PTPRA: variants seen among roughly 807,000 people sequenced by gnomAD.
PTPRA encodes the protein receptor-type tyrosine-protein phosphatase alpha.
Under a neutral mutation model 104.8 loss-of-function variants are expected in PTPRA, and 25 were observed. That is an observed-to-expected ratio of 0.24 (90% confidence interval 0.17 to 0.33). The LOEUF is 0.33. Ranked by LOEUF, PTPRA falls within the 10% of genes least tolerant of loss-of-function variation. The pLI, the probability that PTPRA is intolerant of heterozygous loss-of-function variation, is 1.00. For missense variants in PTPRA, 765 were observed against 1,015.3 expected (o/e 0.75, Z 3.35); for synonymous variants, 323 against 368.9 (o/e 0.88, Z 1.43).
intron 9 of PTPRA, among the ~76,000 whole-genome samples, chr20:2,998,575 G>A (rs891636807): frequency 1.3e-5 from 2 of 152,162 alleles, no homozygotes; most frequent in Admixed American, 6.5e-5. Context: ...TGCTTAGTAC[G>A]AGGGAAATGC....
the PTPRA span, chr20:2,866,585 C>T: frequency 2.5e-6 from 4 of 1,613,464 alleles, no homozygotes; most frequent in South Asian, 3.3e-5. Context: ...GGAGTCCATC[C>T]TGTACATCTC....
chr20:3,012,512 C>T (rs1408144524), intron 11 of PTPRA, among the ~76,000 whole-genome samples: 1 of 152,144 alleles, frequency 6.6e-6, no homozygotes, highest in Non-Finnish European at 1.5e-5. Flanking sequence ...AGAACAGAGC[C>T]CTTGGGCCCA....
chr20:2,939,271 T>C (rs2060817724), intron 2 of PTPRA, among the ~76,000 whole-genome samples: 1 of 152,234 alleles, frequency 6.6e-6, no homozygotes, highest in Non-Finnish European at 1.5e-5. Flanking sequence ...TTTCTCTAGC[T>C]CTCTCCTCAC....
Position 2,955,474 on chromosome 20 carries a change from A to G in PTPRA, c.-7+7450A>G, listed in dbSNP as rs139597289. On this transcript the variant is annotated intron_variant, in intron 3 of 23. Transcript: ENST00000399903. The stretch of plus-strand genomic sequence containing the variant: ...TTTCATTCTCTATATAATGTTGTCT[A>G]TGCAAGTGAGCTGCTCTCCAGTGCC... The G allele has an allele frequency of 3.0e-3, 591 of 196,098 alleles. 7 individuals are homozygous for G. The highest frequency in any genetic ancestry group is 0.013 in the African/African-American group (543 of 42,376). 12.1% of individuals were successfully genotyped at this position (196,098 alleles called of 1,614,324 possible). A position where few individuals can be genotyped will look rare whatever the true frequency, so the allele number is the denominator to read the frequency against.
intron 1 of PTPRA, among the ~76,000 whole-genome samples, chr20:2,884,438 T>C (rs2090252967): frequency 6.6e-6 from 1 of 152,172 alleles, no homozygotes; most frequent in African/African-American, 2.4e-5. Flanking sequence ...TTTGCCAACA[T>C]TTGTTACTCT....
At chr20:2,868,180 G>A in the PTPRA span, among the ~76,000 whole-genome samples, 71 of 152,292 alleles carry the variant, frequency 4.7e-4, 1 homozygote, top group East Asian at 3.5e-3. Context: ...CCAAGAGGGT[G>A]CCAGGTAGAA....
upstream of PTPRA, among the ~76,000 whole-genome samples, chr20:2,868,610 A>G (rs995609760): frequency 1.0e-5 from 1 of 97,242 alleles, no homozygotes; most frequent in Non-Finnish European, 2.0e-5. Flanking sequence ...TGGGCTCATC[A>G]TTCTGGGCTT....
At chr20:2,982,195 A>T (rs1222652933) in intron 6 of PTPRA, among the ~76,000 whole-genome samples, 1 of 150,498 alleles carries the variant, frequency 6.6e-6, no homozygotes, top group Non-Finnish European at 1.5e-5. Context: ...GGTACAAGCG[A>T]TTCTCCTGCC....
intron 3 of PTPRA, among the ~76,000 whole-genome samples, chr20:2,958,844 C>CAAA (rs528139524): frequency 2.8e-4 from 13 of 46,818 alleles, no homozygotes; most frequent in South Asian, 6.8e-4. Flanking sequence ...GAGACTGTAT[C>CAAA]AAAAAAAAAA....
At chr20:3,027,268 C>T in intron 19 of PTPRA, 71 bp downstream of exon 19, 3 of 1,422,230 alleles carry the variant, frequency 2.1e-6, no homozygotes, top group Non-Finnish European at 3.0e-6. Context: ...CAGTGCCTCC[C>T]TCCCATACCT....
In PTPRA at chr20:3,005,163, T is replaced by C; in HGVS notation, c.829+17T>C. 1 of 1,550,916 alleles carries C rather than the reference T, an allele frequency of 6.4e-7. No individual in the cohort carries two copies. Among genetic ancestry groups the C allele is most frequent in the Non-Finnish European group, 8.9e-7 (1 of 1,123,182 alleles). ...TCTTGCCTTGTGAGTGTCTTTAGTG[T>C]TTCTTGGGATGTAACCTGAAATTAC... is the stretch of plus-strand genomic sequence containing the variant. On this transcript the variant is annotated intron_variant, in intron 10 of 23. Transcript: ENST00000399903.
chr20:2,906,792 G>A lies in PTPRA; in HGVS notation c.-128-16415G>A, dbSNP rs532210457. Among the ~76,000 whole-genome samples, 4 of 152,194 alleles carry A rather than the reference G, an allele frequency of 2.6e-5. No homozygotes were observed. The South Asian group carries it at 8.3e-4, about 32-fold the overall frequency. On this transcript the variant is annotated intron_variant, in intron 1 of 23. Transcript: ENST00000399903. Reference sequence around the variant, plus strand: ...AATTGATACCAGCCCATAAACATATGATTTTAATTGAGCATATTAATAACT... The same window carrying A: ...AATTGATACCAGCCCATAAACATATAATTTTAATTGAGCATATTAATAACT...
chr20:3,007,214 T>C, intron 10 of PTPRA, 130 bp from the exon 11 acceptor site: 1 of 802,570 alleles, frequency 1.2e-6, no homozygotes. Flanking sequence ...AGTTATATTG[T>C]TGGAGTGGCA....
At chr20:2,899,156 G>A (rs907836022) in intron 1 of PTPRA, among the ~76,000 whole-genome samples, 8 of 152,172 alleles carry the variant, frequency 5.3e-5, no homozygotes, top group African/African-American at 1.9e-4. Flanking sequence ...CCAACATGAT[G>A]AAACCCCATC....
intron 9 of PTPRA, among the ~76,000 whole-genome samples, chr20:3,003,858 C>G (rs2063741853): frequency 1.3e-5 from 2 of 150,676 alleles, no homozygotes; most frequent in South Asian, 4.2e-4. Context: ...TTTTTTCATC[C>G]TTAATTTTGA....
chr20:2,976,300 G>C (rs1421265460), intron 6 of PTPRA, among the ~76,000 whole-genome samples: 2 of 152,172 alleles, frequency 1.3e-5, no homozygotes, highest in Non-Finnish European at 2.9e-5. Flanking sequence ...ATATTTACTT[G>C]CTCCCTAAAA....
In PTPRA at chr20:2,924,507, C is replaced by A. The variant is rs149352145; in HGVS notation, c.-50+1222C>A. ...TAGACATGACAACATGGATGAATCTCGTAGATAAAAGGTTGAGTGAAAGAA... is the reference window on the plus strand; with the variant it reads ...TAGACATGACAACATGGATGAATCTAGTAGATAAAAGGTTGAGTGAAAGAA... On this transcript the variant is annotated intron_variant, in intron 2 of 23. Transcript: ENST00000399903. Among the ~76,000 whole-genome samples the A allele has an allele frequency of 3.6e-3, 543 of 152,042 alleles. 7 individuals carry two copies. Among genetic ancestry groups the A allele is most frequent in the African/African-American group, 0.012 (498 of 41,436 alleles).
intron 2 of PTPRA, among the ~76,000 whole-genome samples, chr20:2,928,430 C>T (rs895336012): frequency 2.6e-5 from 4 of 152,048 alleles, no homozygotes; most frequent in Admixed American, 1.3e-4. Context: ...TTTTAAGACC[C>T]TCATGTTGGA....
At chr20:2,881,383 A>G (rs1250247580) in intron 1 of PTPRA, among the ~76,000 whole-genome samples, 1 of 152,220 alleles carries the variant, frequency 6.6e-6, no homozygotes, top group Non-Finnish European at 1.5e-5. Context: ...GTATGAAGAC[A>G]TTTGAAAACC....
Sources: allele counts gnomAD v4.1 joint callset (sites outside exome capture counted in the v4.1 genomes callset), GRCh38; gene constraint gnomAD v4.1.1; transcripts MANE v1.5; gene names NCBI Gene and HGNC (gene_info 2026-07-23, HGNC 2026-07-21).